The following SLC35F1 variants were observed in gnomAD, a reference collection of about 807,000 sequenced individuals.
SLC35F1 encodes the protein solute carrier family 35 member F1, also known as chromosome 6 open reading frame 169.
Under a neutral mutation model 48.7 loss-of-function variants are expected in SLC35F1, and 14 were observed. That is an observed-to-expected ratio of 0.29 (90% confidence interval 0.19 to 0.45). The LOEUF is 0.45. Ranked by LOEUF, SLC35F1 falls within the 20% of genes least tolerant of loss-of-function variation. The probability of loss-of-function intolerance (pLI) is 1.00; values close to 1 mark genes in which losing one functional copy is unlikely to be tolerated. For missense variants in SLC35F1, 404 were observed against 500.0 expected, an observed-to-expected ratio of 0.81 and a Z score of 1.83; for synonymous variants, 190 against 202.2, an observed-to-expected ratio of 0.94 and a Z score of 0.51.
At chr6:118,212,519 A>G (rs1356977361) in intron 2 of SLC35F1, among the ~76,000 whole-genome samples, 3 of 152,088 alleles carry the variant, frequency 2.0e-5, no homozygotes, top group African/African-American at 7.2e-5. Context: ...GTGAAACCAC[A>G]TCTCTACTAA....
intron 3 of SLC35F1, among the ~76,000 whole-genome samples, chr6:118,236,793 C>T (rs1326703638): frequency 6.6e-6 from 1 of 152,192 alleles, no homozygotes; most frequent in African/African-American, 2.4e-5. Flanking sequence ...TAATCCTTAG[C>T]ACCCTGTGAC....
At position 118,209,201 on chromosome 6, in the gene SLC35F1, AAC is replaced by A. The variant is rs541233132; in HGVS notation, c.350-26306_350-26305del. ...TTTCTTCCTCAAACCTAAGCCTAAA[AAC>A]AGTTTTCCCTGAGTCTTTGGGTCTT... On this transcript the variant is annotated intron_variant, in intron 2 of 7. Coordinates refer to ENST00000360388, the MANE Select transcript of SLC35F1 (RefSeq NM_001029858.4). Among the ~76,000 whole-genome samples, 15 of 152,254 alleles carry A rather than the reference AAC, an allele frequency of 9.9e-5. No individual in the cohort carries two copies. In the South Asian group the frequency reaches 3.1e-3, roughly 32 times the overall value.
Position 118,275,609 on chromosome 6 carries a change from T to C in SLC35F1, c.788T>C (p.Ile263Thr), listed in dbSNP as rs913754573. The change falls in exon 5 of 8, where the codon ATT becomes ACT. Residue 263 changes from isoleucine (I) to threonine (T), a missense_variant. Ile to Thr is a moderately conservative substitution (Grantham distance 89, BLOSUM62 -1). Transcript: ENST00000360388. ...IGLFGAFFSGIQLAIMEHKEL... is the reference protein window; with the variant it reads ...IGLFGAFFSGTQLAIMEHKEL... The stretch of plus-strand genomic sequence containing the variant: ...CTCTTTGGAGCATTTTTCAGTGGAA[T>C]TCAATTGTGAGTAAAAATAACAAGA... The C allele has an allele frequency of 1.1e-5, 18 of 1,613,520 alleles. No individual in the cohort carries two copies. The highest frequency in any genetic ancestry group is 1.5e-5 in the Non-Finnish European group (18 of 1,179,828).
At chr6:118,224,421 G>T (rs1775188675) in intron 2 of SLC35F1, among the ~76,000 whole-genome samples, 1 of 152,150 alleles carries the variant, frequency 6.6e-6, no homozygotes, top group Admixed American at 6.5e-5. Flanking sequence ...TTGAGACAGG[G>T]TCTAGCTCTG....
intron 1 of SLC35F1, among the ~76,000 whole-genome samples, chr6:118,051,107 A>G (rs1450007728): frequency 2.6e-5 from 4 of 152,176 alleles, no homozygotes; most frequent in Non-Finnish European, 5.9e-5. Context: ...AGTGTAGGAA[A>G]TGAAGAAAAA....
intron 2 of SLC35F1, among the ~76,000 whole-genome samples, chr6:118,174,323 G>C (rs971948086): frequency 6.6e-6 from 1 of 152,106 alleles, no homozygotes; most frequent in Admixed American, 6.6e-5. Flanking sequence ...AGTGGGATCA[G>C]TCAACAACAT....
At chr6:118,300,403 C>T (rs1379056746) in intron 7 of SLC35F1, among the ~76,000 whole-genome samples, 1 of 152,130 alleles carries the variant, frequency 6.6e-6, no homozygotes, top group African/African-American at 2.4e-5. Context: ...TGAGTGATGG[C>T]TATACTTGTA....
chr6:118,023,513 A>G (rs1478822270), intron 1 of SLC35F1, among the ~76,000 whole-genome samples: 2 of 152,174 alleles, frequency 1.3e-5, no homozygotes, highest in South Asian at 2.1e-4. Context: ...TCTCAAATAT[A>G]TAAATAACTA....
chr6:117,951,664 G>C (rs571986059), intron 1 of SLC35F1, among the ~76,000 whole-genome samples: 1 of 152,270 alleles, frequency 6.6e-6, no homozygotes, highest in East Asian at 1.9e-4. Context: ...GTGTTAACCA[G>C]TTTGCTTCTT....
chr6:118,156,728 G>A (rs544408564), intron 2 of SLC35F1, among the ~76,000 whole-genome samples: 16 of 148,388 alleles, frequency 1.1e-4, no homozygotes, highest in Middle Eastern at 3.4e-3. Flanking sequence ...GTCCAGTAAG[G>A]CAGGACAACT....
intron 1 of SLC35F1, among the ~76,000 whole-genome samples, chr6:117,924,465 C>CGT (rs1562239438): frequency 6.7e-6 from 1 of 149,328 alleles, no homozygotes; most frequent in East Asian, 2.0e-4. Context: ...TATGTGTGTA[C>CGT]ATATATACAT....
chr6:118,008,948 T>C (rs1292721440), intron 1 of SLC35F1, among the ~76,000 whole-genome samples: 1 of 152,212 alleles, frequency 6.6e-6, no homozygotes, highest in Non-Finnish European at 1.5e-5. Flanking sequence ...CAGATGGTAC[T>C]ATTATAATTA....
chr6:118,235,731 AT>A (rs1775356240), intron 3 of SLC35F1, 95 bp downstream of exon 3: 1 of 1,327,754 alleles, frequency 7.5e-7, no homozygotes, highest in Admixed American at 2.1e-5. Context: ...ACAAGTTACT[AT>A]CTGTATACTA....
At chr6:117,963,268 T>C (rs563629649) in intron 1 of SLC35F1, among the ~76,000 whole-genome samples, 4 of 152,188 alleles carry the variant, frequency 2.6e-5, no homozygotes, top group African/African-American at 7.2e-5. Flanking sequence ...AGACAACATA[T>C]GCAAAGTTCT....
intron 1 of SLC35F1, among the ~76,000 whole-genome samples, chr6:118,092,698 A>G (rs1393582932): frequency 6.6e-6 from 1 of 152,206 alleles, no homozygotes; most frequent in African/African-American, 2.4e-5. Context: ...CTCTTGCATC[A>G]GTGTGCCCTG....
At chr6:118,095,715 C>A (rs892824857) in intron 1 of SLC35F1, among the ~76,000 whole-genome samples, 2 of 151,994 alleles carry the variant, frequency 1.3e-5, no homozygotes, top group Non-Finnish European at 2.9e-5. Context: ...ATAGGGCACT[C>A]AGGGGCTCAA....
chr6:118,158,239 G>A (rs1774174158), intron 2 of SLC35F1, among the ~76,000 whole-genome samples: 1 of 152,084 alleles, frequency 6.6e-6, no homozygotes, highest in Admixed American at 6.5e-5. Flanking sequence ...TAATAGGCTG[G>A]CATTAAGCTA....
chr6:118,073,681 A>T (rs192918728), intron 1 of SLC35F1, among the ~76,000 whole-genome samples: 1 of 152,320 alleles, frequency 6.6e-6, no homozygotes, highest in Admixed American at 6.5e-5. Context: ...AACATGATTG[A>T]ACAGATACAT....
chr6:118,215,051 T>C (rs1775053959), intron 2 of SLC35F1, among the ~76,000 whole-genome samples: 1 of 152,128 alleles, frequency 6.6e-6, no homozygotes, highest in Non-Finnish European at 1.5e-5. Flanking sequence ...TTCTCCCTGG[T>C]ATCAGGAGGC....
Sources: gnomAD v4.1 joint callset for allele counts (sites outside exome capture counted in the v4.1 genomes callset) on GRCh38, gnomAD v4.1.1 for gene constraint, MANE v1.5 for transcripts, NCBI Gene and HGNC (gene_info 2026-07-23, HGNC 2026-07-21) for gene names.